The following COL21A1 variants were observed in gnomAD, a reference collection of about 807,000 sequenced individuals.
COL21A1 encodes the protein collagen type XXI alpha 1 chain, also known as collagen alpha-1(XXI) chain.
A neutral mutation model predicts 137.9 loss-of-function variants in COL21A1; 149 were observed. That is an observed-to-expected ratio of 1.08 (90% CI 0.95 to 1.24). The LOEUF is 1.24. Among genes scored for constraint, COL21A1 ranks in the 50% most tolerant of loss-of-function variants. The probability of loss-of-function intolerance (pLI) is 0.00; values close to 1 mark genes in which losing one functional copy is unlikely to be tolerated. For synonymous variants in COL21A1, 456 were observed against 391.5 expected (o/e 1.16, Z -1.95); for missense variants, 1,167 against 1,158.4 (o/e 1.01, Z -0.11).
chr6:56,376,121 G>A (rs898838628), intron 1 of COL21A1, among the ~76,000 whole-genome samples: 1 of 152,180 alleles, frequency 6.6e-6, no homozygotes, highest in South Asian at 2.1e-4. Flanking sequence ...AAAACAAGTA[G>A]AGTGATGTCA....
intron 1 of COL21A1, among the ~76,000 whole-genome samples, chr6:56,317,805 G>C (rs576684890): frequency 6.6e-6 from 1 of 151,962 alleles, no homozygotes; most frequent in Non-Finnish European, 1.5e-5. Flanking sequence ...ATCCCTTGCC[G>C]CCTTCATGAT....
chr6:56,146,488 G>T (rs1774846960), intron 10 of COL21A1, among the ~76,000 whole-genome samples: 1 of 152,062 alleles, frequency 6.6e-6, no homozygotes, highest in South Asian at 2.1e-4. Context: ...TGGTTTATAT[G>T]CTTTTACTGA....
chr6:56,366,631 G>A (rs1439501251), intron 1 of COL21A1, among the ~76,000 whole-genome samples: 2 of 152,258 alleles, frequency 1.3e-5, no homozygotes, highest in South Asian at 4.1e-4. Flanking sequence ...GGTTACAAAG[G>A]GAGCATTCTC....
chr6:56,366,716 A>C (rs1766109725), intron 1 of COL21A1, among the ~76,000 whole-genome samples: 1 of 152,200 alleles, frequency 6.6e-6, no homozygotes, highest in African/African-American at 2.4e-5. Context: ...CACCTCTCAA[A>C]AGGATAAATT....
intron 1 of COL21A1, among the ~76,000 whole-genome samples, chr6:56,274,859 C>T (rs565149861): frequency 3.3e-5 from 5 of 151,838 alleles, no homozygotes; most frequent in African/African-American, 1.2e-4. Flanking sequence ...TTAGAAAAAA[C>T]TATTCTAAAA....
At position 56,327,762 on chromosome 6, in the gene COL21A1, G is replaced by A. The variant is rs1765129770; in HGVS notation, c.-39+66209C>T. On this transcript the variant is annotated intron_variant, in intron 1 of 28. Coordinates refer to the COL21A1 transcript ENST00000370819. The stretch of plus-strand genomic sequence containing the variant: ...GTTAGATACTCCTGGGCAACTCATT[G>A]TCCTGCCTAAGCTTAGGTTTCTTCA... 2.0e-5 allele frequency among the ~76,000 whole-genome samples: 3 copies of A among 152,176 alleles called. No individual in the cohort carries two copies. The South Asian group carries it at 6.2e-4, about 32-fold the overall frequency.
intron 12 of COL21A1, among the ~76,000 whole-genome samples, chr6:56,140,735 A>G (rs1158782225): frequency 6.6e-6 from 1 of 152,164 alleles, no homozygotes; most frequent in Non-Finnish European, 1.5e-5. Flanking sequence ...AAGGTAGTAC[A>G]TGGTGATTTT....
chr6:56,148,422 G>T (rs566775642), intron 10 of COL21A1, among the ~76,000 whole-genome samples: 1 of 151,504 alleles, frequency 6.6e-6, no homozygotes, highest in African/African-American at 2.4e-5. Context: ...AAACTGAGGT[G>T]AGAGTTCAGG....
At chr6:56,266,491 G>C (rs1403655102) in intron 1 of COL21A1, among the ~76,000 whole-genome samples, 2 of 152,198 alleles carry the variant, frequency 1.3e-5, no homozygotes, top group Admixed American at 1.3e-4. Context: ...TGGGAACAGA[G>C]ACTGTATGAG....
At chr6:56,329,506 C>T (rs1360805343) in intron 1 of COL21A1, among the ~76,000 whole-genome samples, 1 of 152,072 alleles carries the variant, frequency 6.6e-6, no homozygotes, top group African/African-American at 2.4e-5. Flanking sequence ...TGTAGGGCAG[C>T]TGCATTTTCT....
At chr6:56,160,232 T>A (rs183174752) in intron 9 of COL21A1, among the ~76,000 whole-genome samples, 1 of 152,384 alleles carries the variant, frequency 6.6e-6, no homozygotes, top group East Asian at 1.9e-4. Flanking sequence ...TTATTGACTG[T>A]TATGTGCTAA....
intron 1 of COL21A1, among the ~76,000 whole-genome samples, chr6:56,203,607 A>T (rs1582632960): frequency 6.6e-6 from 1 of 152,334 alleles, no homozygotes; most frequent in East Asian, 1.9e-4. Context: ...GATCAACGGG[A>T]CCCAAGAGCC....
intron 1 of COL21A1, among the ~76,000 whole-genome samples, chr6:56,258,310 G>A (rs1217357299): frequency 6.6e-6 from 1 of 151,998 alleles, no homozygotes; most frequent in Non-Finnish European, 1.5e-5. Context: ...GTCAGAGTCT[G>A]CCCTGTGCTC....
intron 1 of COL21A1, among the ~76,000 whole-genome samples, chr6:56,307,302 C>T (rs1288746640): frequency 6.6e-6 from 1 of 152,216 alleles, no homozygotes; most frequent in Non-Finnish European, 1.5e-5. Context: ...TTTTGTTTGG[C>T]AATGTCCTGC....
intron 1 of COL21A1, among the ~76,000 whole-genome samples, chr6:56,307,793 A>T (rs988212505): frequency 1.3e-5 from 2 of 152,080 alleles, no homozygotes; most frequent in African/African-American, 4.8e-5. Flanking sequence ...AAATGCAGAA[A>T]TCACCCGTCT....
rs867757610 is a variant in COL21A1 at position 56,060,705 on chromosome 6, G to A, written c.2407+36C>T. On this transcript the variant is annotated intron_variant, in intron 27 of 29. Transcript: ENST00000244728. Reference sequence around the variant, plus strand: ...AGAATTTGTATTACTTTTGTAATTTGAGAAAAGTTATTAAAATGCTATATT... The same window carrying A: ...AGAATTTGTATTACTTTTGTAATTTAAGAAAAGTTATTAAAATGCTATATT... 2.0e-6 allele frequency: 3 copies of A among 1,532,448 alleles called. No homozygotes were observed. In the African/African-American group the frequency reaches 4.2e-5, roughly 21 times the overall value. 94.9% of individuals were successfully genotyped at this position (1,532,448 alleles called of 1,614,324 possible).
At chr6:56,117,087 G>T (rs1185453721) in intron 16 of COL21A1, among the ~76,000 whole-genome samples, 1 of 151,890 alleles carries the variant, frequency 6.6e-6, no homozygotes, top group East Asian at 1.9e-4. Context: ...ACAGGAGTAG[G>T]TCCTTACTTA....
rs1225304264 is a variant in COL21A1 at position 56,141,784 on chromosome 6, C to G, written c.1542+1G>C. The G allele has an allele frequency of 3.7e-6, 6 of 1,613,490 alleles. No homozygotes were observed. In the Admixed American group the frequency reaches 8.3e-5, roughly 22 times the overall value. On this transcript the variant is annotated splice_donor_variant, in intron 12 of 29. Transcript: ENST00000244728. LOFTEE classifies it high-confidence loss of function. Reference sequence around the variant, plus strand: ...TTGATTGCATTTTTGTGTGTGTTTACCTTGTCACCATCTCGCCCTGGTTCT... The same window carrying G: ...TTGATTGCATTTTTGTGTGTGTTTAGCTTGTCACCATCTCGCCCTGGTTCT...
intron 17 of COL21A1, among the ~76,000 whole-genome samples, chr6:56,085,761 T>C (rs1768186661): frequency 6.6e-6 from 1 of 151,956 alleles, no homozygotes; most frequent in Non-Finnish European, 1.5e-5. Context: ...AGGAGCAGAA[T>C]GGCCCCTAGA....
Sources: gnomAD v4.1 joint callset for allele counts (sites outside exome capture counted in the v4.1 genomes callset) on GRCh38, gnomAD v4.1.1 for gene constraint, MANE v1.5 for transcripts, NCBI Gene and HGNC (gene_info 2026-07-23, HGNC 2026-07-21) for gene names.